Variants in TTC29 observed in about 807,000 individuals in gnomAD.
The protein encoded by TTC29 is tetratricopeptide repeat protein 29.
In TTC29, 49 loss-of-function variants were observed where a neutral mutation model predicts 58.1. The observed-to-expected ratio is 0.84, with a 90% CI of 0.67 to 1.07. The LOEUF (loss-of-function observed/expected upper bound fraction) is 1.07. TTC29 is among the 50% of genes least tolerant of loss of function. The pLI is 0.00. For missense variants in TTC29, 582 were observed against 555.6 expected, an observed-to-expected ratio of 1.05 and a Z score of -0.48; for synonymous variants, 209 against 196.8, an observed-to-expected ratio of 1.06 and a Z score of -0.52.
Position 146,755,370 on chromosome 4 carries a change from A to G in TTC29, c.1331-47819T>C, listed in dbSNP as rs542193253. Among the ~76,000 whole-genome samples the G allele has an allele frequency of 1.5e-3, 223 of 152,316 alleles. 2 individuals carry two copies. Among genetic ancestry groups the G allele is most frequent in the Non-Finnish European group, 2.7e-3 (182 of 68,020 alleles). ...ATTCTTCACTGAAATAGGAAAAACA[A>G]TCTTAAAATTTGTGTGGAAGCACAA... is the stretch of plus-strand genomic sequence containing the variant. On this transcript the variant is annotated intron_variant, in intron 11 of 12. Coordinates refer to ENST00000325106, the MANE Select transcript of TTC29 (RefSeq NM_031956.4).
chr4:146,725,872 CA>C (rs1743747845), intron 11 of TTC29, among the ~76,000 whole-genome samples: 3 of 152,054 alleles, frequency 2.0e-5, no homozygotes, highest in Non-Finnish European at 4.4e-5. Context: ...TACACCTATA[CA>C]CCTATTCTAT....
rs1745151706 is a variant in TTC29 at position 146,741,539 on chromosome 4, C to T, written c.1331-33988G>A. ...TGTCTCTTTTCTCCAATCCATCGAACATTGCCCTAATTCAGGTCATCATCT... is the reference window on the plus strand; with the variant it reads ...TGTCTCTTTTCTCCAATCCATCGAATATTGCCCTAATTCAGGTCATCATCT... On this transcript the variant is annotated intron_variant, in intron 11 of 12. Transcript: ENST00000325106. Among the ~76,000 whole-genome samples the T allele has an allele frequency of 2.0e-5, 3 of 149,750 alleles. No homozygotes were observed. The South Asian group carries it at 6.3e-4, about 32-fold the overall frequency.
intron 9 of TTC29, among the ~76,000 whole-genome samples, chr4:146,822,962 C>G (rs1176414081): frequency 6.6e-6 from 1 of 151,740 alleles, no homozygotes; most frequent in Non-Finnish European, 1.5e-5. Flanking sequence ...TTGTTTTTTT[C>G]TTGTAAATAT....
At position 146,789,310 on chromosome 4, in the gene TTC29, T is replaced by C. The variant is rs551476613; in HGVS notation, c.1330+14147A>G. On this transcript the variant is annotated intron_variant, in intron 11 of 12. Transcript: ENST00000325106. ...ATTCAAGAAACTTAAGGACAGCTCC[T>C]GCATATAAGAATCTCCTGGTGAGCT... 2.6e-5 allele frequency among the ~76,000 whole-genome samples: 4 copies of C among 152,320 alleles called. No homozygotes were observed. The East Asian group carries it at 7.7e-4, about 29-fold the overall frequency.
chr4:146,886,547 G>A lies in TTC29; in HGVS notation c.587-11619C>T, dbSNP rs558971989. Reference sequence around the variant, plus strand: ...ACTCATTGAACACGACATGGGAAGCGTGGGCTAGGGTAGGGCTGAGGAGAG... The same window carrying A: ...ACTCATTGAACACGACATGGGAAGCATGGGCTAGGGTAGGGCTGAGGAGAG... On this transcript the variant is annotated intron_variant, in intron 6 of 12. Transcript: ENST00000325106. Among the ~76,000 whole-genome samples, 8 of 152,282 alleles carry A rather than the reference G, an allele frequency of 5.3e-5. No homozygotes were observed. In the South Asian group the frequency reaches 6.2e-4, roughly 12 times the overall value.
chr4:146,785,026 C>G (rs1194782594), intron 11 of TTC29, among the ~76,000 whole-genome samples: 1 of 152,036 alleles, frequency 6.6e-6, no homozygotes, highest in Non-Finnish European at 1.5e-5. Context: ...CCTTTTGTTC[C>G]TACGCAAAAT....
intron 11 of TTC29, among the ~76,000 whole-genome samples, chr4:146,796,957 A>C (rs538758130): frequency 6.6e-6 from 1 of 152,274 alleles, no homozygotes; most frequent in East Asian, 1.9e-4. Context: ...CAGTATCAAA[A>C]TATATCACCC....
chr4:146,844,858 T>C (rs528576649), intron 8 of TTC29, among the ~76,000 whole-genome samples: 1 of 152,324 alleles, frequency 6.6e-6, no homozygotes, highest in East Asian at 1.9e-4. Flanking sequence ...CATCATGTCC[T>C]CTTAGAGAGT....
chr4:146,769,153 T>C lies in TTC29; in HGVS notation c.1330+34304A>G, dbSNP rs186921527. 2.8e-3 allele frequency among the ~76,000 whole-genome samples: 431 copies of C among 152,130 alleles called. 2 individuals are homozygous for C. Among genetic ancestry groups the C allele is most frequent in the Middle Eastern group, 6.8e-3 (2 of 294 alleles). On this transcript the variant is annotated intron_variant, in intron 11 of 12. Coordinates refer to ENST00000325106, the MANE Select transcript of TTC29 (RefSeq NM_031956.4). ...CTTTCTTTCCTTAAAAACTACATAT[T>C]GCCCTATAATCTCAGAATTTTGAAT...
intron 8 of TTC29, among the ~76,000 whole-genome samples, chr4:146,839,249 AGAGAT>A (rs1245145230): frequency 6.6e-6 from 1 of 152,050 alleles, no homozygotes; most frequent in African/African-American, 2.4e-5. Flanking sequence ...ATAGTGCAGT[AGAGAT>A]ATTATAGATA....
At chr4:146,942,578 G>T in intron 2 of TTC29, 2 of 1,529,804 alleles carry the variant, frequency 1.3e-6, no homozygotes, top group East Asian at 2.4e-5. Flanking sequence ...CCTCCCAAGA[G>T]CTTACTTCAG....
intron 11 of TTC29, among the ~76,000 whole-genome samples, chr4:146,722,663 A>T (rs1743456994): frequency 6.6e-6 from 1 of 152,152 alleles, no homozygotes; most frequent in East Asian, 1.9e-4. Context: ...TACCATATTC[A>T]AAAAGTAACT....
intron 7 of TTC29, among the ~76,000 whole-genome samples, chr4:146,870,134 A>G (rs534840609): frequency 4.6e-5 from 7 of 152,128 alleles, no homozygotes; most frequent in Non-Finnish European, 1.0e-4. Context: ...AATATTAAGT[A>G]TGGTCATCAG....
chr4:146,791,314 C>T (rs1749430402), intron 11 of TTC29, among the ~76,000 whole-genome samples: 1 of 152,078 alleles, frequency 6.6e-6, no homozygotes, highest in Non-Finnish European at 1.5e-5. Context: ...CACTTAGTTC[C>T]TCTGTGTCAC....
chr4:146,860,463 G>C (rs2150198212), intron 8 of TTC29, among the ~76,000 whole-genome samples: 1 of 152,064 alleles, frequency 6.6e-6, no homozygotes, highest in East Asian at 1.9e-4. Context: ...CTTATATGTG[G>C]GGAATATGAT....
At chr4:146,941,821 GA>G (rs1300860342) in intron 2 of TTC29, among the ~76,000 whole-genome samples, 1 of 152,170 alleles carries the variant, frequency 6.6e-6, no homozygotes, top group African/African-American at 2.4e-5. Flanking sequence ...TGTAGTGGGG[GA>G]AAGGGTAGAC....
chr4:146,846,260 AC>A (rs980623446), intron 8 of TTC29, among the ~76,000 whole-genome samples: 5 of 152,168 alleles, frequency 3.3e-5, no homozygotes, highest in African/African-American at 1.2e-4. Flanking sequence ...TGACACAAGA[AC>A]CCCCTATCTA....
rs1561047207 is a variant in TTC29, at chr4:146,708,357, C to CACATGTATATATATATATATAT, written c.1331-807_1331-806insATATATATATATATATACATGT. On this transcript the variant is annotated intron_variant, in intron 11 of 12. Coordinates refer to ENST00000325106, the MANE Select transcript of TTC29 (RefSeq NM_031956.4). ...ATATATATATATATATATATATATACACATGTATGTGTGTGTATATATATA... is the reference window on the plus strand; with the variant it reads ...ATATATATATATATATATATATATACACATGTATATATATATATATATACATGTATGTGTGTGTATATATATA... Among the ~76,000 whole-genome samples the CACATGTATATATATATATATAT allele has an allele frequency of 1.4e-3, 23 of 16,834 alleles. 1 individual carries two copies. The highest frequency in any genetic ancestry group is 3.0e-3 in the African/African-American group (22 of 7,228). 11.0% of individuals were successfully genotyped at this position (16,834 alleles called of 152,430 possible). A position where few individuals can be genotyped will look rare whatever the true frequency, so the allele number is the denominator to read the frequency against.
chr4:146,914,607 C>T (rs563166843), intron 4 of TTC29, among the ~76,000 whole-genome samples: 1 of 152,186 alleles, frequency 6.6e-6, no homozygotes, highest in East Asian at 1.9e-4. Flanking sequence ...TTGTCACATT[C>T]GTGGACATGC....
Sources: allele counts gnomAD v4.1 joint callset (sites outside exome capture counted in the v4.1 genomes callset), GRCh38; gene constraint gnomAD v4.1.1; transcripts MANE v1.5; gene names NCBI Gene and HGNC (gene_info 2026-07-23, HGNC 2026-07-21).